WWOX: variants seen among roughly 807,000 people sequenced by gnomAD.
The protein encoded by WWOX is WW domain-containing oxidoreductase.
Under a neutral mutation model 46.2 loss-of-function variants are expected in WWOX, and 69 were observed. The observed-to-expected ratio is 1.49, with a 90% CI of 1.23 to 1.82. The LOEUF is 1.82. Ranked by LOEUF, WWOX falls within the 40% of genes most tolerant of loss-of-function variation. WWOX has a pLI of 0.00. For synonymous variants in WWOX, 359 were observed against 202.6 expected, an observed-to-expected ratio of 1.77 and a Z score of -6.56; for missense variants, 919 against 542.6, an observed-to-expected ratio of 1.69 and a Z score of -6.89.
intron 8 of WWOX, among the ~76,000 whole-genome samples, chr16:79,157,369 G>C (rs1038093944): frequency 7.9e-5 from 12 of 151,398 alleles, no homozygotes; most frequent in Non-Finnish European, 1.6e-4. Flanking sequence ...AAAACAGTGA[G>C]CCTTGGTCAA....
chr16:78,331,721 A>G (rs2080762628), intron 5 of WWOX, among the ~76,000 whole-genome samples: 1 of 152,156 alleles, frequency 6.6e-6, no homozygotes, highest in Admixed American at 6.5e-5. Context: ...ACATTCTTAA[A>G]TGCCTCTAGC....
intron 5 of WWOX, among the ~76,000 whole-genome samples, chr16:78,356,900 A>T (rs995346079): frequency 3.3e-5 from 5 of 152,176 alleles, no homozygotes; most frequent in African/African-American, 1.2e-4. Flanking sequence ...AACAAAAAAA[A>T]GTTCCAATAC....
chr16:78,487,576 C>T (rs898535455), intron 8 of WWOX, among the ~76,000 whole-genome samples: 2 of 152,100 alleles, frequency 1.3e-5, no homozygotes, highest in South Asian at 2.1e-4. Context: ...GTTGAGGCTT[C>T]GTGCTGTTAA....
intron 8 of WWOX, among the ~76,000 whole-genome samples, chr16:79,174,956 T>C (rs2050771281): frequency 6.6e-6 from 1 of 152,192 alleles, no homozygotes; most frequent in South Asian, 2.1e-4. Context: ...GACTTGGTAT[T>C]CTTACCTGGA....
chr16:78,263,416 G>C (rs896944497), intron 5 of WWOX, among the ~76,000 whole-genome samples: 2 of 152,194 alleles, frequency 1.3e-5, no homozygotes, highest in Non-Finnish European at 2.9e-5. Flanking sequence ...CGGCTCCCCT[G>C]AAGTGCACAG....
chr16:78,572,204 G>A (rs2044732394), intron 8 of WWOX, among the ~76,000 whole-genome samples: 1 of 152,130 alleles, frequency 6.6e-6, no homozygotes, highest in Admixed American at 6.5e-5. Context: ...GGAAATTAAT[G>A]GTGGCACATT....
intron 8 of WWOX, among the ~76,000 whole-genome samples, chr16:78,904,222 T>A (rs558921751): frequency 1.3e-5 from 2 of 149,878 alleles, no homozygotes; most frequent in South Asian, 4.2e-4. Flanking sequence ...ACTTAGATGA[T>A]CTTATAAATG....
chr16:79,053,643 A>T (rs1199588966), intron 8 of WWOX, among the ~76,000 whole-genome samples: 1 of 152,226 alleles, frequency 6.6e-6, no homozygotes, highest in Non-Finnish European at 1.5e-5. Flanking sequence ...TAATGTTTTA[A>T]ATAACAAAAC....
At chr16:78,857,709 C>G (rs1020149059) in intron 8 of WWOX, among the ~76,000 whole-genome samples, 1 of 152,164 alleles carries the variant, frequency 6.6e-6, no homozygotes, top group African/African-American at 2.4e-5. Context: ...GGCCTTTTCC[C>G]TAGTAGTAAC....
intron 8 of WWOX, among the ~76,000 whole-genome samples, chr16:78,889,850 A>G (rs546448574): frequency 1.3e-5 from 2 of 152,336 alleles, no homozygotes; most frequent in African/African-American, 4.8e-5. Context: ...CGTTTGCTGT[A>G]TCTGGAGAAA....
chr16:78,446,657 CTTTTTTTTT>C (rs5818138), intron 8 of WWOX, among the ~76,000 whole-genome samples: 3 of 88,120 alleles, frequency 3.4e-5, no homozygotes, highest in African/African-American at 1.4e-4. Flanking sequence ...CAAGTGTATA[CTTTTTTTTT>C]TTTTTTTTTT....
intron 8 of WWOX, among the ~76,000 whole-genome samples, chr16:78,638,086 G>T (rs890695525): frequency 6.6e-6 from 1 of 152,146 alleles, no homozygotes; most frequent in African/African-American, 2.4e-5. Context: ...CCCAATCCAA[G>T]CTAAGCTCTT....
At chr16:78,118,194 C>T (rs566609959) in intron 4 of WWOX, among the ~76,000 whole-genome samples, 7 of 151,848 alleles carry the variant, frequency 4.6e-5, no homozygotes, top group Admixed American at 3.3e-4. Flanking sequence ...TCTAAGCAAA[C>T]TCTGTCTTGT....
intron 8 of WWOX, among the ~76,000 whole-genome samples, chr16:78,440,210 A>G (rs1384368001): frequency 6.6e-6 from 1 of 152,172 alleles, no homozygotes; most frequent in Admixed American, 6.5e-5. Flanking sequence ...TATCGATTTT[A>G]TAGGATCGTT....
chr16:79,107,735 A>T (rs191848691), intron 8 of WWOX, among the ~76,000 whole-genome samples: 1 of 152,340 alleles, frequency 6.6e-6, no homozygotes, highest in East Asian at 1.9e-4. Flanking sequence ...GAAATTCTAG[A>T]TTTATAAATT....
intron 6 of WWOX, among the ~76,000 whole-genome samples, chr16:78,404,040 G>T (rs183669045): frequency 6.6e-6 from 1 of 152,286 alleles, no homozygotes; most frequent in Admixed American, 6.5e-5. Context: ...GAAGTCTTTT[G>T]CAAAGGGCGA....
chr16:79,040,940 A>C (rs934669715), intron 8 of WWOX, among the ~76,000 whole-genome samples: 2 of 152,072 alleles, frequency 1.3e-5, no homozygotes, highest in Non-Finnish European at 2.9e-5. Context: ...TGGATGGAGC[A>C]TGGGTTTTGG....
chr16:78,776,595 G>C (rs573721578), intron 8 of WWOX, among the ~76,000 whole-genome samples: 13 of 152,250 alleles, frequency 8.5e-5, no homozygotes, highest in Non-Finnish European at 1.9e-4. Context: ...GAGTGAGGAT[G>C]GATGTTTAGC....
At chr16:78,974,660 G>A (rs2046536252) in intron 8 of WWOX, among the ~76,000 whole-genome samples, 1 of 152,168 alleles carries the variant, frequency 6.6e-6, no homozygotes. Context: ...TGTCTGTCCT[G>A]AAGAGGAGGA....
Sources: allele counts gnomAD v4.1 joint callset (sites outside exome capture counted in the v4.1 genomes callset), GRCh38; gene constraint gnomAD v4.1.1; transcripts MANE v1.5; gene names NCBI Gene and HGNC (gene_info 2026-07-23, HGNC 2026-07-21).